Variants in BABAM2 observed in about 807,000 individuals in gnomAD.
BABAM2 encodes the protein BRISC and BRCA1-A complex member 2.
Under a neutral mutation model 54.7 loss-of-function variants are expected in BABAM2, and 31 were observed. The observed-to-expected ratio is 0.57, with a 90% CI of 0.43 to 0.77. The LOEUF (loss-of-function observed/expected upper bound fraction) is 0.77. Among genes scored for constraint, BABAM2 ranks in the 30% least tolerant of loss-of-function variants. The probability of loss-of-function intolerance (pLI) is 0.00; values close to 1 mark genes in which losing one functional copy is unlikely to be tolerated. For synonymous variants in BABAM2, 167 were observed against 162.9 expected, an observed-to-expected ratio of 1.03 and a Z score of -0.19; for missense variants, 364 against 455.8, an observed-to-expected ratio of 0.80 and a Z score of 1.83.
chr2:28,331,979 C>G (rs1690997638), intron 11 of BABAM2, among the ~76,000 whole-genome samples: 1 of 152,216 alleles, frequency 6.6e-6, no homozygotes, highest in Non-Finnish European at 1.5e-5. Flanking sequence ...GAATACTATG[C>G]AGCCATAAAA....
At chr2:28,038,450 A>C (rs150468009) in intron 5 of BABAM2, among the ~76,000 whole-genome samples, 361 of 152,224 alleles carry the variant, frequency 2.4e-3, no homozygotes, top group African/African-American at 8.1e-3. Flanking sequence ...GTGTGATGTT[A>C]AGGTTTTGGT....
chr2:28,253,754 G>C (rs1256838387), intron 10 of BABAM2, among the ~76,000 whole-genome samples: 1 of 152,192 alleles, frequency 6.6e-6, no homozygotes, highest in Non-Finnish European at 1.5e-5. Flanking sequence ...GCCATGCACA[G>C]GTCAGAGAGA....
intron 6 of BABAM2, among the ~76,000 whole-genome samples, chr2:28,096,581 A>G (rs1374718543): frequency 1.3e-5 from 2 of 152,040 alleles, no homozygotes; most frequent in African/African-American, 4.8e-5. Flanking sequence ...CTTCATAACC[A>G]TTTCCATATA....
chr2:28,040,291 A>ATTTTTT (rs1204898070), intron 5 of BABAM2, among the ~76,000 whole-genome samples: 6 of 97,238 alleles, frequency 6.2e-5, no homozygotes, highest in African/African-American at 7.5e-5. Flanking sequence ...GAAAAACTGA[A>ATTTTTT]TTCTTTTTTT....
chr2:28,222,696 C>A (rs116719847), intron 7 of BABAM2, among the ~76,000 whole-genome samples: 1 of 152,208 alleles, frequency 6.6e-6, no homozygotes, highest in Admixed American at 6.5e-5. Flanking sequence ...AGTTATTAGG[C>A]CAACCTCAAT....
At chr2:28,188,971 C>T (rs55764310) in intron 7 of BABAM2, among the ~76,000 whole-genome samples, 33,970 of 152,110 alleles carry the variant, frequency 0.22, 4,755 homozygotes, top group Non-Finnish European at 0.32. Flanking sequence ...GAGGCCAAGG[C>T]GGGAGGATCA....
At chr2:28,250,518 TTATAA>T (rs1403218394) in intron 10 of BABAM2, among the ~76,000 whole-genome samples, 5 of 151,270 alleles carry the variant, frequency 3.3e-5, no homozygotes, top group African/African-American at 1.2e-4. Flanking sequence ...TGTATATATG[TTATAA>T]TATAAACACA....
chr2:27,909,378 T>A (rs900070679), intron 2 of BABAM2, among the ~76,000 whole-genome samples: 3 of 152,200 alleles, frequency 2.0e-5, no homozygotes, highest in East Asian at 3.8e-4. Context: ...TTTGGAGAAA[T>A]GTCTGTTCAA....
chr2:28,198,264 C>T (rs898398370), intron 7 of BABAM2, among the ~76,000 whole-genome samples: 4 of 151,844 alleles, frequency 2.6e-5, no homozygotes, highest in South Asian at 2.1e-4. Context: ...CCCGGGTTCA[C>T]GCCATTTTCC....
intron 3 of BABAM2, among the ~76,000 whole-genome samples, chr2:27,974,180 T>A (rs574717006): frequency 2.6e-4 from 40 of 152,316 alleles, no homozygotes; most frequent in African/African-American, 8.9e-4. Flanking sequence ...TACAACAGTT[T>A]CTATCTTACT....
intron 7 of BABAM2, among the ~76,000 whole-genome samples, chr2:28,179,218 A>T (rs769509595): frequency 1.3e-5 from 2 of 152,184 alleles, no homozygotes; most frequent in Non-Finnish European, 2.9e-5. Flanking sequence ...ATGAACACAG[A>T]CATAAAAATT....
At chr2:28,303,398 C>G (rs1415579914) in intron 11 of BABAM2, among the ~76,000 whole-genome samples, 1 of 152,096 alleles carries the variant, frequency 6.6e-6, no homozygotes, top group East Asian at 1.9e-4. Flanking sequence ...ATTTTTTGTT[C>G]ATATGTATCC....
At chr2:28,115,434 G>A (rs1042665403) in intron 6 of BABAM2, among the ~76,000 whole-genome samples, 1 of 151,962 alleles carries the variant, frequency 6.6e-6, no homozygotes, top group African/African-American at 2.4e-5. Flanking sequence ...AGACCATCCT[G>A]GCTAACACGA....
chr2:28,202,429 T>G (rs1163718507), intron 7 of BABAM2, among the ~76,000 whole-genome samples: 1 of 151,942 alleles, frequency 6.6e-6, no homozygotes, highest in African/African-American at 2.4e-5. Flanking sequence ...TTCCTCCCAT[T>G]TAAAATGTTA....
At chr2:27,915,104 T>C (rs1229861912) in intron 2 of BABAM2, among the ~76,000 whole-genome samples, 1 of 152,150 alleles carries the variant, frequency 6.6e-6, no homozygotes, top group East Asian at 1.9e-4. Flanking sequence ...ATTTTACTGC[T>C]CTGATTAAGT....
At chr2:27,920,543 T>C (rs758581565) in intron 2 of BABAM2, among the ~76,000 whole-genome samples, 2 of 152,244 alleles carry the variant, frequency 1.3e-5, no homozygotes, top group Non-Finnish European at 2.9e-5. Flanking sequence ...TATGTGACTT[T>C]TTTTTAAAAG....
intron 7 of BABAM2, among the ~76,000 whole-genome samples, chr2:28,134,007 C>G (rs2147714403): frequency 6.6e-6 from 1 of 152,238 alleles, no homozygotes. Context: ...TTACCGGTCT[C>G]CCACTGCGCA....
chr2:27,929,461 T>G (rs1446890351), intron 2 of BABAM2, among the ~76,000 whole-genome samples: 1 of 152,160 alleles, frequency 6.6e-6, no homozygotes, highest in Non-Finnish European at 1.5e-5. Context: ...GAGTCCATAT[T>G]TAAAATATGA....
chr2:28,160,315 C>G (rs1022847943), intron 7 of BABAM2, among the ~76,000 whole-genome samples: 9 of 152,174 alleles, frequency 5.9e-5, no homozygotes, highest in Non-Finnish European at 1.0e-4. Flanking sequence ...TTTAGCTGGG[C>G]CCGTGCATGG....
Sources: gnomAD v4.1 joint callset for allele counts (sites outside exome capture counted in the v4.1 genomes callset) on GRCh38, gnomAD v4.1.1 for gene constraint, MANE v1.5 for transcripts, NCBI Gene and HGNC (gene_info 2026-07-23, HGNC 2026-07-21) for gene names.